The following SLC39A8 variants were observed in gnomAD, a reference collection of about 807,000 sequenced individuals.
SLC39A8 encodes metal cation symporter ZIP8.
A neutral mutation model predicts 40.4 loss-of-function variants in SLC39A8; 15 were observed. The observed-to-expected ratio is 0.37, with a 90% CI of 0.25 to 0.57. The LOEUF (loss-of-function observed/expected upper bound fraction) is 0.57, where lower values mean the gene tolerates loss of function less well. Ranked by LOEUF, SLC39A8 falls within the 20% of genes least tolerant of loss-of-function variation. SLC39A8 has a pLI of 0.75. For synonymous variants in SLC39A8, 223 were observed against 221.6 expected, an observed-to-expected ratio of 1.01 and a Z score of -0.06; for missense variants, 472 against 558.8, an observed-to-expected ratio of 0.84 and a Z score of 1.57.
At chr4:102,283,138 A>G (rs1206402450) in intron 6 of SLC39A8, among the ~76,000 whole-genome samples, 1 of 151,976 alleles carries the variant, frequency 6.6e-6, no homozygotes, top group Non-Finnish European at 1.5e-5. Context: ...AATATTAGCA[A>G]TGAAAGCAGA....
In SLC39A8 at chr4:102,282,208, G is replaced by A. The variant is rs75336471; in HGVS notation, c.841-14129C>T. Among the ~76,000 whole-genome samples, 1,035 of 152,308 alleles carry A rather than the reference G, an allele frequency of 6.8e-3. 8 individuals carry two copies. Among genetic ancestry groups the A allele is most frequent in the Non-Finnish European group, 0.011 (732 of 68,022 alleles). ...CAGGATTTTATTTTCTGTGTTGTTG[G>A]TTCCTGTTCACCCAGAATGTAGTAG... On this transcript the variant is annotated intron_variant, in intron 6 of 8. Transcript: ENST00000356736.
At chr4:102,304,529 T>G in intron 5 of SLC39A8, 48 bp from the exon 6 acceptor site, 1 of 1,493,666 alleles carries the variant, frequency 6.7e-7, no homozygotes, top group Non-Finnish European at 9.2e-7. Flanking sequence ...AAAAAGATGA[T>G]TCATACAGAC....
chr4:102,344,324 C>T (rs1344075757), intron 2 of SLC39A8, 120 bp downstream of exon 2: 5 of 689,286 alleles, frequency 7.3e-6, no homozygotes, highest in South Asian at 2.4e-5. Flanking sequence ...CCGCCTTCTA[C>T]TTGAGAAATA....
intron 6 of SLC39A8, among the ~76,000 whole-genome samples, chr4:102,278,659 A>G (rs1309408681): frequency 1.3e-5 from 2 of 152,220 alleles, no homozygotes; most frequent in Non-Finnish European, 2.9e-5. Context: ...AAAGGATTAT[A>G]AATCATTCTA....
intron 8 of SLC39A8, among the ~76,000 whole-genome samples, chr4:102,266,313 C>T (rs6836807): frequency 0.08 from 12,215 of 152,102 alleles, 1,586 homozygotes; most frequent in African/African-American, 0.28. Context: ...TATAAGATAG[C>T]ATGAGACATT....
At chr4:102,307,846 G>A (rs1459577307) in intron 3 of SLC39A8, among the ~76,000 whole-genome samples, 1 of 152,030 alleles carries the variant, frequency 6.6e-6, no homozygotes, top group African/African-American at 2.4e-5. Context: ...TGGGATTAAT[G>A]AGTTTTACAG....
intron 11 of SLC39A8, among the ~76,000 whole-genome samples, chr4:102,253,948 A>G (rs1280380603): frequency 6.6e-6 from 1 of 151,972 alleles, no homozygotes; most frequent in Non-Finnish European, 1.5e-5. Flanking sequence ...GGAACACCTT[A>G]CCCCCAACAC....
Position 102,344,690 on chromosome 4 carries a change from C to T in SLC39A8, c.-28G>A, listed in dbSNP as rs1202072933. ...TGGCCTGGGCTTCCCCTTGAGGGCC[C>T]GCGACGGGCTGCCGCGCAGAGGGAC... is the stretch of plus-strand genomic sequence containing the variant. On this transcript the variant is annotated 5_prime_UTR_variant, in exon 2 of 9. Transcript: ENST00000356736. The T allele has an allele frequency of 1.4e-6, 2 of 1,421,234 alleles. No homozygotes were observed. Among genetic ancestry groups the T allele is most frequent in the Non-Finnish European group, 1.8e-6 (2 of 1,095,268 alleles). 88.0% of individuals were successfully genotyped at this position (1,421,234 alleles called of 1,614,324 possible).
chr4:102,285,616 A>G (rs1265969424), intron 6 of SLC39A8, among the ~76,000 whole-genome samples: 2 of 133,862 alleles, frequency 1.5e-5, no homozygotes, highest in Non-Finnish European at 3.3e-5. Context: ...ACAAATAAAT[A>G]TTATAGATGA....
chr4:102,259,320 A>C, downstream of SLC39A8: 1 of 508,010 alleles, frequency 2.0e-6, no homozygotes, highest in East Asian at 3.2e-5. Context: ...GTGTTGCCTC[A>C]CTGGGGTTTT....
At chr4:102,333,796 C>T (rs147194253) in intron 2 of SLC39A8, among the ~76,000 whole-genome samples, 2 of 152,086 alleles carry the variant, frequency 1.3e-5, no homozygotes, top group African/African-American at 4.8e-5. Context: ...TGAAGATATA[C>T]AGAAAGAGTG....
chr4:102,257,013 GC>G (rs1465895333), downstream of SLC39A8, among the ~76,000 whole-genome samples: 1 of 152,172 alleles, frequency 6.6e-6, no homozygotes, highest in Non-Finnish European at 1.5e-5. Context: ...GCAGGTGCTG[GC>G]CCAGCAACAG....
chr4:102,315,855 A>T (rs1734632628), intron 2 of SLC39A8, 25 bp from the exon 3 acceptor site: 1 of 1,589,278 alleles, frequency 6.3e-7, no homozygotes, highest in African/African-American at 1.4e-5. Flanking sequence ...ACAAAAAAAA[A>T]ATGTGATAAT....
chr4:102,303,623 CTTGT>C (rs943975842), intron 6 of SLC39A8, among the ~76,000 whole-genome samples: 3 of 151,576 alleles, frequency 2.0e-5, no homozygotes, highest in South Asian at 2.1e-4. Context: ...TTCCTAGGTT[CTTGT>C]TTTTCCTGTA....
intron 2 of SLC39A8, among the ~76,000 whole-genome samples, chr4:102,329,040 A>AT: frequency 6.6e-6 from 1 of 151,990 alleles, no homozygotes; most frequent in East Asian, 1.9e-4. Flanking sequence ...AAAAAAAAAA[A>AT]AAAGACATAT....
chr4:102,321,788 GAC>G (rs1423463366), intron 2 of SLC39A8, among the ~76,000 whole-genome samples: 1 of 152,228 alleles, frequency 6.6e-6, no homozygotes, highest in African/African-American at 2.4e-5. Context: ...GAAAGGTAGA[GAC>G]CAGAGACAAG....
chr4:102,257,243 C>T (rs1299691108), downstream of SLC39A8, among the ~76,000 whole-genome samples: 1 of 151,750 alleles, frequency 6.6e-6, no homozygotes, highest in Admixed American at 6.6e-5. Flanking sequence ...CAACCTCTGC[C>T]TCCCGGGTTC....
intron 11 of SLC39A8, among the ~76,000 whole-genome samples, chr4:102,253,831 G>T (rs924723187): frequency 6.6e-6 from 1 of 151,922 alleles, no homozygotes; most frequent in South Asian, 2.1e-4. Context: ...AAAAAGTGTG[G>T]CTATAGTGTG....
chr4:102,344,586 C>G lies in SLC39A8; in HGVS notation c.77G>C (p.Gly26Ala), dbSNP rs763880834. Residue 26 changes from glycine to alanine, a missense_variant, in exon 2 of 9, where the codon GGG (glycine) becomes GCG (alanine). This residue lies in a region of SLC39A8 where 175 missense variants were observed against 160.5 expected (regional missense o/e 1.09). Coordinates refer to ENST00000356736, the MANE Select transcript of SLC39A8 (RefSeq NM_001135146.2). ...CAGCACATCCTCGCTGAAGGCTAGC[C>G]CTGGCCCCTCCGCCACTCCTCCGAG... is the stretch of plus-strand genomic sequence containing the variant. ...AGLGGVAEGP[G>A]LAFSEDVLSV... 1.9e-6 allele frequency: 3 copies of G among 1,546,358 alleles called. No homozygotes were observed. The Admixed American group carries it at 5.9e-5, about 31-fold the overall frequency.
Sources: allele counts gnomAD v4.1 joint callset (sites outside exome capture counted in the v4.1 genomes callset), GRCh38; gene constraint gnomAD v4.1.1; regional missense constraint gnomAD v4.1.1; transcripts MANE v1.5; gene names NCBI Gene and HGNC (gene_info 2026-07-23, HGNC 2026-07-21).